The following GALNT17 variants were observed in gnomAD, a reference collection of about 807,000 sequenced individuals.
The protein encoded by GALNT17 is polypeptide N-acetylgalactosaminyltransferase 17.
GALNT17 carries 29 observed loss-of-function variants against 63.7 expected under a neutral mutation model. The observed-to-expected ratio is 0.46, with a 90% CI of 0.34 to 0.62. The LOEUF (loss-of-function observed/expected upper bound fraction) is 0.62, where lower values mean the gene tolerates loss of function less well. Among genes scored for constraint, GALNT17 ranks in the 20% least tolerant of loss-of-function variants. The pLI is 0.01. For synonymous variants in GALNT17, 305 were observed against 318.3 expected, an observed-to-expected ratio of 0.96 and a Z score of 0.45; for missense variants, 603 against 799.6, an observed-to-expected ratio of 0.75 and a Z score of 2.97.
In GALNT17 at chr7:71,523,454, A is replaced by C. The variant is rs957597880; in HGVS notation, c.963-47831A>C. Among the ~76,000 whole-genome samples, 46 of 151,900 alleles carry C rather than the reference A, an allele frequency of 3.0e-4. 1 individual carries two copies. The highest frequency in any genetic ancestry group is 2.9e-5 in the Non-Finnish European group (2 of 67,988). On this transcript the variant is annotated intron_variant, in intron 5 of 10. Coordinates refer to ENST00000333538, the MANE Select transcript of GALNT17 (RefSeq NM_022479.3). Reference sequence around the variant, plus strand: ...AAAAAAGAGAAAAGAACAGAGAAAGAAATGCAGATTCTTGGCCAGGCACAG... The same window carrying C: ...AAAAAAGAGAAAAGAACAGAGAAAGCAATGCAGATTCTTGGCCAGGCACAG...
At chr7:71,389,038 G>C (rs551816638) in intron 3 of GALNT17, among the ~76,000 whole-genome samples, 1 of 152,172 alleles carries the variant, frequency 6.6e-6, no homozygotes, top group East Asian at 1.9e-4. Context: ...ATTACTGCCT[G>C]AGCTCCACCT....
At chr7:71,613,963 C>A (rs577529716) in intron 6 of GALNT17, among the ~76,000 whole-genome samples, 1 of 151,910 alleles carries the variant, frequency 6.6e-6, no homozygotes, top group Non-Finnish European at 1.5e-5. Flanking sequence ...TTAAAACAAA[C>A]ACACAAAAAA....
chr7:71,182,073 G>A lies in GALNT17; in HGVS notation c.238+49033G>A, dbSNP rs1320551050. ...GCCTGTAGTCTCAGCTACTCGGGAG[G>A]CTGAGGCAGAAGAATCACTTGAACC... On this transcript the variant is annotated intron_variant, in intron 1 of 10. Coordinates refer to ENST00000333538, the MANE Select transcript of GALNT17 (RefSeq NM_022479.3). 2.0e-5 allele frequency among the ~76,000 whole-genome samples: 3 copies of A among 152,198 alleles called. No homozygotes were observed. In the East Asian group the frequency reaches 5.8e-4, roughly 29 times the overall value.
chr7:71,407,377 T>C (rs1793347510), intron 3 of GALNT17, among the ~76,000 whole-genome samples: 1 of 152,134 alleles, frequency 6.6e-6, no homozygotes, highest in Admixed American at 6.5e-5. Context: ...AGTCCATCAA[T>C]TACCAGCATG....
At chr7:71,622,425 G>T (rs1309495439) in intron 6 of GALNT17, among the ~76,000 whole-genome samples, 3 of 152,200 alleles carry the variant, frequency 2.0e-5, no homozygotes, top group Non-Finnish European at 4.4e-5. Context: ...AGTCTTCAAA[G>T]ATATCTTCTT....
At chr7:71,197,192 C>CTTTTTT (rs34276195) in intron 1 of GALNT17, among the ~76,000 whole-genome samples, 24 of 69,806 alleles carry the variant, frequency 3.4e-4, no homozygotes, top group Non-Finnish European at 4.5e-4. Context: ...CCCTGTTGTG[C>CTTTTTT]TTTTTTTTTT....
Position 71,319,093 on chromosome 7 carries a change from T to TCTTTCTTTCTTTCTTTCTTTCTTTC in GALNT17, c.239-16457_239-16456insCTTTCTTTCTTTCTTTCTTTCTTTC, listed in dbSNP as rs747369973. ...TCCTCAGCTTGCTGAGCTATTTTTG[T>TCTTTCTTTCTTTCTTTCTTTCTTTC]TTATCTTTCTTTCTTTCTTTCTTTC... On this transcript the variant is annotated intron_variant, in intron 1 of 10. Transcript: ENST00000333538. 3.3e-3 allele frequency among the ~76,000 whole-genome samples: 487 copies of TCTTTCTTTCTTTCTTTCTTTCTTTC among 148,642 alleles called. 7 individuals are homozygous for TCTTTCTTTCTTTCTTTCTTTCTTTC. Among genetic ancestry groups the TCTTTCTTTCTTTCTTTCTTTCTTTC allele is most frequent in the African/African-American group, 0.012 (463 of 39,006 alleles).
At chr7:71,465,869 A>G (rs572531538) in intron 5 of GALNT17, among the ~76,000 whole-genome samples, 167 of 152,328 alleles carry the variant, frequency 1.1e-3, no homozygotes, top group African/African-American at 3.9e-3. Context: ...TGGCGGGAGA[A>G]AGAAAGAGGC....
At chr7:71,245,851 T>G (rs1196607843) in intron 1 of GALNT17, among the ~76,000 whole-genome samples, 1 of 150,472 alleles carries the variant, frequency 6.6e-6, no homozygotes, top group Admixed American at 6.6e-5. Flanking sequence ...AGAGCAGGTT[T>G]TTTTTTTTTT....
At chr7:71,185,328 C>T (rs1028435486) in intron 1 of GALNT17, among the ~76,000 whole-genome samples, 1 of 151,508 alleles carries the variant, frequency 6.6e-6, no homozygotes, top group Admixed American at 6.6e-5. Flanking sequence ...ACCTCAGCCT[C>T]CCAAGTAGCT....
chr7:71,699,692 G>A (rs1791601686), intron 9 of GALNT17, among the ~76,000 whole-genome samples: 1 of 152,136 alleles, frequency 6.6e-6, no homozygotes, highest in African/African-American at 2.4e-5. Flanking sequence ...CCAACACTTT[G>A]AGATGCTGAA....
At chr7:71,606,506 C>A (rs1790050706) in intron 6 of GALNT17, among the ~76,000 whole-genome samples, 1 of 152,146 alleles carries the variant, frequency 6.6e-6, no homozygotes, top group Non-Finnish European at 1.5e-5. Flanking sequence ...ATAGCATCTG[C>A]TCTTCTCTTG....
intron 6 of GALNT17, among the ~76,000 whole-genome samples, chr7:71,615,348 A>T (rs1399344517): frequency 6.6e-6 from 1 of 152,088 alleles, no homozygotes; most frequent in Admixed American, 6.6e-5. Flanking sequence ...TCCATCTGCC[A>T]GCGAGACCTC....
chr7:71,592,240 C>T (rs1022933148), intron 6 of GALNT17, among the ~76,000 whole-genome samples: 1 of 152,122 alleles, frequency 6.6e-6, no homozygotes, highest in Admixed American at 6.6e-5. Context: ...CCAGGCCAAG[C>T]GATGCAGAGA....
At chr7:71,240,545 G>A (rs1789974245) in intron 1 of GALNT17, among the ~76,000 whole-genome samples, 1 of 152,132 alleles carries the variant, frequency 6.6e-6, no homozygotes, top group Non-Finnish European at 1.5e-5. Context: ...TTCTGTGTCT[G>A]CATTAATTCT....
At chr7:71,211,949 T>C (rs548562876) in intron 1 of GALNT17, among the ~76,000 whole-genome samples, 2 of 152,282 alleles carry the variant, frequency 1.3e-5, no homozygotes, top group African/African-American at 4.8e-5. Context: ...TTGCAGCCTA[T>C]GTGATAGAAA....
intron 2 of GALNT17, among the ~76,000 whole-genome samples, chr7:71,335,943 CAT>C (rs1791892840): frequency 6.6e-6 from 1 of 150,526 alleles, no homozygotes; most frequent in African/African-American, 2.4e-5. Flanking sequence ...GTTCCAGAAA[CAT>C]ATAGAAAGAG....
intron 6 of GALNT17, among the ~76,000 whole-genome samples, chr7:71,578,471 C>A (rs1483102631): frequency 6.6e-6 from 1 of 152,072 alleles, no homozygotes; most frequent in African/African-American, 2.4e-5. Flanking sequence ...GTAGGTGGGA[C>A]TGCAGGTGCA....
At chr7:71,475,817 G>T (rs959610303) in intron 5 of GALNT17, among the ~76,000 whole-genome samples, 1 of 152,196 alleles carries the variant, frequency 6.6e-6, no homozygotes, top group African/African-American at 2.4e-5. Flanking sequence ...GAGTCTGCTA[G>T]ATGATACTCA....
Sources: allele counts gnomAD v4.1 joint callset (sites outside exome capture counted in the v4.1 genomes callset), GRCh38; gene constraint gnomAD v4.1.1; transcripts MANE v1.5; gene names NCBI Gene and HGNC (gene_info 2026-07-23, HGNC 2026-07-21).